Variants in ANKRD18B observed in about 807,000 individuals in gnomAD.
ANKRD18B encodes ankyrin repeat domain 18B.
A neutral mutation model predicts 111.8 loss-of-function variants in ANKRD18B; 75 were observed. The observed-to-expected ratio is 0.67, with a 90% CI of 0.56 to 0.81. The LOEUF (loss-of-function observed/expected upper bound fraction) is 0.81. Ranked by LOEUF, ANKRD18B falls within the 40% of genes least tolerant of loss-of-function variation. The pLI is 0.00. For missense variants in ANKRD18B, 1,038 were observed against 1,225.5 expected, an observed-to-expected ratio of 0.85 and a Z score of 2.28; for synonymous variants, 356 against 417.3, an observed-to-expected ratio of 0.85 and a Z score of 1.79.
At position 33,524,567 on chromosome 9, in the gene ANKRD18B, G is replaced by C. The variant is rs1279438890; in HGVS notation, c.78G>C (p.Arg26=). 14 of 1,551,498 alleles carry C rather than the reference G, an allele frequency of 9.0e-6. No individual in the cohort carries two copies. The East Asian group carries it at 9.8e-5, about 11-fold the overall frequency. ...CCATGGACCAAGAGTATGCGGGTCG[G>C]GGGTACCACATTCGGGACTGGGAAC... The part of the protein sequence containing the change: ...LSSMDQEYAG[R]GYHIRDWELR... Residue 26 remains arginine, a synonymous_variant, in exon 1 of 19, where the codon CGG becomes CGC. Transcript: ENST00000684830.
At chr9:33,527,539 C>T (rs1018309080) in intron 1 of ANKRD18B, among the ~76,000 whole-genome samples, 6 of 152,174 alleles carry the variant, frequency 3.9e-5, no homozygotes, top group African/African-American at 1.2e-4. Context: ...TCAGGCTGGT[C>T]TTGAACTCCT....
rs1260617528 is a variant in ANKRD18B at position 33,550,569 on chromosome 9, T to C, written c.2207T>C (p.Val736Ala). The change falls in exon 12 of 19, where the codon GTA becomes GCA. Residue 736 changes from valine (V) to alanine (A), a missense_variant. Val to Ala is a moderately conservative substitution (Grantham distance 64, BLOSUM62 0). Transcript: ENST00000684830. ...ACTTCAAAGAAGAAATTATTTCAAG[T>C]AGAAATTCAAGTATGTATGGAATTT... The part of the protein sequence containing the change: ...TWTSKKKLFQ[V>A]EIQPEEKHEE... 3.9e-6 allele frequency: 6 copies of C among 1,535,152 alleles called. 1 individual carries two copies. The South Asian group carries it at 7.6e-5, about 19-fold the overall frequency.
At chr9:33,537,746 T>A (rs903790998) in intron 6 of ANKRD18B, among the ~76,000 whole-genome samples, 2 of 152,206 alleles carry the variant, frequency 1.3e-5, no homozygotes, top group African/African-American at 4.8e-5. Flanking sequence ...CAAACGTAAC[T>A]ACTAATAACC....
intron 13 of ANKRD18B, among the ~76,000 whole-genome samples, chr9:33,556,242 C>T (rs1304229116): frequency 6.6e-6 from 1 of 151,942 alleles, no homozygotes; most frequent in Non-Finnish European, 1.5e-5. Context: ...TTTTGAATGC[C>T]AAAACATTAC....
intron 1 of ANKRD18B, among the ~76,000 whole-genome samples, chr9:33,527,686 C>T (rs891495823): frequency 5.9e-5 from 9 of 152,200 alleles, no homozygotes; most frequent in African/African-American, 2.2e-4. Flanking sequence ...TATTTCAGTG[C>T]TCTTTCCCCA....
At chr9:33,541,304 G>A in intron 9 of ANKRD18B, 77 bp downstream of exon 9, 1 of 1,495,476 alleles carries the variant, frequency 6.7e-7, no homozygotes, top group Non-Finnish European at 8.9e-7. Context: ...CGTAGTTAAT[G>A]GTATAGTTTC....
chr9:33,537,990 A>G (rs1368456157), intron 6 of ANKRD18B, among the ~76,000 whole-genome samples: 1 of 152,142 alleles, frequency 6.6e-6, no homozygotes, highest in Admixed American at 6.6e-5. Context: ...GGAGGAAGAA[A>G]ATGGTTGGTT....
Position 33,548,051 on chromosome 9 carries a change from A to G in ANKRD18B, c.1263A>G (p.Arg421=). ...ELYAIKNDSL[R]KEKKYIQEIK... is the part of the protein sequence containing the mutation. ...ATGCAATAAAAAATGACAGTCTCAG[A>G]AAGGAAAAGAAATATATTCAGGAAA... Residue 421 remains arginine (R), a synonymous_variant, in exon 11 of 19, where the codon AGA becomes AGG. Transcript: ENST00000684830. 1.3e-6 allele frequency: 2 copies of G among 1,536,548 alleles called. No individual in the cohort carries two copies. Among genetic ancestry groups the G allele is most frequent in the South Asian group, 2.5e-5 (2 of 79,604 alleles).
chr9:33,543,370 C>G (rs1168290382), intron 10 of ANKRD18B, 115 bp downstream of exon 10: 16 of 807,330 alleles, frequency 2.0e-5, no homozygotes, highest in Non-Finnish European at 2.6e-5. Flanking sequence ...TCCAACAGAG[C>G]ATAATTTCAT....
At chr9:33,574,785 A>C (rs535772045), downstream of ANKRD18B, among the ~76,000 whole-genome samples, 201 of 152,286 alleles carry the variant, frequency 1.3e-3, 1 homozygote, top group African/African-American at 4.5e-3. Context: ...CAATGCATGC[A>C]CACATGTCAG....
Position 33,555,712 on chromosome 9 carries a change from A to C in ANKRD18B, c.2222A>C (p.Glu741Ala). 1.4e-6 allele frequency: 2 copies of C among 1,406,844 alleles called. No homozygotes were observed. The highest frequency in any genetic ancestry group is 1.9e-6 in the Non-Finnish European group (2 of 1,077,898). The allele number at this position is 1,406,844 out of a possible 1,614,324, so 87.1% of individuals were successfully genotyped here. ...KKLFQVEIQPEEKHEEFRKVF... is the reference protein window; with the variant it reads ...KKLFQVEIQPAEKHEEFRKVF... The stretch of plus-strand genomic sequence containing the variant: ...TTTTAAACACTTTTTTTCAAGCCTG[A>C]AGAAAAACATGAAGAATTCAGAAAA... The change falls in exon 13 of 19, where the codon GAA becomes GCA. Residue 741 changes from glutamate to alanine, a missense_variant. By Grantham distance (107) the Glu-to-Ala change is moderately radical. Around this residue, in one of 4 missense-constraint regions of ANKRD18B, gnomAD observed 524 missense variants for 677.9 expected, o/e 0.77. Coordinates refer to ENST00000684830, the MANE Select transcript of ANKRD18B (RefSeq NM_001393611.1).
In ANKRD18B at chr9:33,572,569, T is replaced by C; in HGVS notation, c.*135T>C. ...ATGTATATTTATATGTTATTTTAAATGATTTTTTTAGCCTCCTTAAGTTTT... is the reference window on the plus strand; with the variant it reads ...ATGTATATTTATATGTTATTTTAAACGATTTTTTTAGCCTCCTTAAGTTTT... On this transcript the variant is annotated 3_prime_UTR_variant, in exon 19 of 19. Transcript: ENST00000684830. 7.2e-6 allele frequency: 9 copies of C among 1,251,670 alleles called. No homozygotes were observed. The highest frequency in any genetic ancestry group is 9.2e-6 in the Non-Finnish European group (9 of 983,422). The allele number at this position is 1,251,670 out of a possible 1,614,324, so 77.5% of individuals were successfully genotyped here.
intron 3 of ANKRD18B, among the ~76,000 whole-genome samples, chr9:33,532,078 C>A (rs1247242857): frequency 6.6e-6 from 1 of 151,930 alleles, no homozygotes; most frequent in African/African-American, 2.4e-5. Context: ...ACTAAAAATA[C>A]AAAAAATTAG....
chr9:33,527,754 T>C (rs1027841359), intron 1 of ANKRD18B, among the ~76,000 whole-genome samples: 2 of 152,246 alleles, frequency 1.3e-5, no homozygotes, highest in African/African-American at 4.8e-5. Context: ...AGAACGGCCC[T>C]AGACCTGCTG....
intron 14 of ANKRD18B, among the ~76,000 whole-genome samples, chr9:33,558,744 G>T (rs554608217): frequency 3.4e-4 from 52 of 152,218 alleles, no homozygotes; most frequent in Non-Finnish European, 1.0e-4. Flanking sequence ...TATGTAATTT[G>T]GAGAAATATT....
chr9:33,571,013 T>A, intron 17 of ANKRD18B, among the ~76,000 whole-genome samples: 1 of 152,202 alleles, frequency 6.6e-6, no homozygotes, highest in Non-Finnish European at 1.5e-5. Flanking sequence ...TATCTATTTT[T>A]GTCAGATTAC....
At chr9:33,554,543 C>T (rs1209945385) in intron 12 of ANKRD18B, among the ~76,000 whole-genome samples, 2 of 152,140 alleles carry the variant, frequency 1.3e-5, no homozygotes, top group Non-Finnish European at 2.9e-5. Flanking sequence ...TGGCTCACGC[C>T]TGTAATTTCA....
At chr9:33,565,772 G>GTAGA (rs1828675471) in intron 14 of ANKRD18B, among the ~76,000 whole-genome samples, 1 of 152,036 alleles carries the variant, frequency 6.6e-6, no homozygotes, top group East Asian at 1.9e-4. Flanking sequence ...CATGCCTAGC[G>GTAGA]TAGAGTATTA....
intron 12 of ANKRD18B, among the ~76,000 whole-genome samples, chr9:33,553,564 G>A (rs533392753): frequency 6.6e-6 from 1 of 152,238 alleles, no homozygotes; most frequent in South Asian, 2.1e-4. Flanking sequence ...CCTGGATTAA[G>A]ACATTTGGTG....
Sources: allele counts gnomAD v4.1 joint callset (sites outside exome capture counted in the v4.1 genomes callset), GRCh38; gene constraint gnomAD v4.1.1; regional missense constraint gnomAD v4.1.1; transcripts MANE v1.5; gene names NCBI Gene and HGNC (gene_info 2026-07-23, HGNC 2026-07-21).